Variants in PALMD observed in about 807,000 individuals in gnomAD.
The protein encoded by PALMD is paralemmin-like protein.
A neutral mutation model predicts 56.2 loss-of-function variants in PALMD; 42 were observed. That is an observed-to-expected ratio of 0.75 (90% CI 0.58 to 0.97). The LOEUF (loss-of-function observed/expected upper bound fraction) is 0.97, where lower values mean the gene tolerates loss of function less well. Ranked by LOEUF, PALMD falls within the 50% of genes least tolerant of loss-of-function variation. The probability of loss-of-function intolerance (pLI) is 0.00; values close to 1 mark genes in which losing one functional copy is unlikely to be tolerated. For synonymous variants in PALMD, 242 were observed against 222.9 expected (o/e 1.09, Z -0.76); for missense variants, 660 against 643.8 (o/e 1.03, Z -0.27).
intron 1 of PALMD, among the ~76,000 whole-genome samples, chr1:99,650,486 G>A (rs11166286): frequency 0.27 from 41,336 of 151,808 alleles, 7,145 homozygotes; most frequent in African/African-American, 0.48. Flanking sequence ...ACATGAGCAC[G>A]GATGGGTTCT....
chr1:99,655,087 A>G (rs767447922), intron 1 of PALMD, among the ~76,000 whole-genome samples: 4 of 152,188 alleles, frequency 2.6e-5, no homozygotes, highest in Non-Finnish European at 4.4e-5. Context: ...ACCAGACCCT[A>G]ATGTACATTT....
chr1:99,681,584 T>C (rs1571072189), intron 3 of PALMD, among the ~76,000 whole-genome samples: 1 of 152,132 alleles, frequency 6.6e-6, no homozygotes, highest in South Asian at 2.1e-4. Context: ...ATAAACAAAT[T>C]CCTTATAAAG....
Position 99,657,251 on chromosome 1 carries a change from G to A in PALMD, c.46-5068G>A, listed in dbSNP as rs140237178. ...GATAATTCTACCTATTTGGCCCAAG[G>A]ACATCTCAAACTTGGCGAATCCATC... On this transcript the variant is annotated intron_variant, in intron 1 of 7. Transcript: ENST00000263174. Among the ~76,000 whole-genome samples the A allele has an allele frequency of 1.6e-3, 251 of 152,212 alleles. 1 individual carries two copies. The highest frequency in any genetic ancestry group is 3.4e-3 in the Middle Eastern group (1 of 294).
intron 3 of PALMD, chr1:99,668,662 C>T (rs1301766760): frequency 1.3e-5 from 2 of 152,156 alleles, no homozygotes; most frequent in African/African-American, 2.4e-5. Flanking sequence ...TGGTCACAGG[C>T]GTTCACTTCA....
At chr1:99,691,411 C>G (rs1203559905) in intron 7 of PALMD, among the ~76,000 whole-genome samples, 2 of 152,088 alleles carry the variant, frequency 1.3e-5, no homozygotes, top group Non-Finnish European at 2.9e-5. Flanking sequence ...AATCATGCCC[C>G]TGAACTAAAA....
chr1:99,655,283 T>C (rs981367090), intron 1 of PALMD, among the ~76,000 whole-genome samples: 2 of 152,140 alleles, frequency 1.3e-5, no homozygotes, highest in African/African-American at 4.8e-5. Flanking sequence ...TTATTGAGTC[T>C]TAGATGATAA....
At chr1:99,681,954 AT>A (rs1653356411) in intron 3 of PALMD, among the ~76,000 whole-genome samples, 1 of 152,214 alleles carries the variant, frequency 6.6e-6, no homozygotes, top group Admixed American at 6.5e-5. Context: ...TCAGTGCATT[AT>A]CTGGTGTACA....
At chr1:99,674,828 A>G (rs925504454) in intron 3 of PALMD, among the ~76,000 whole-genome samples, 1 of 152,168 alleles carries the variant, frequency 6.6e-6, no homozygotes, top group African/African-American at 2.4e-5. Flanking sequence ...AGTTTCAGTG[A>G]CCCGTTCTCC....
intron 3 of PALMD, chr1:99,668,330 A>G (rs1653012492): frequency 6.6e-6 from 1 of 152,432 alleles, no homozygotes; most frequent in Non-Finnish European, 1.5e-5. Context: ...TTTATTTTTA[A>G]GTGCATATTG....
intron 1 of PALMD, among the ~76,000 whole-genome samples, chr1:99,653,629 C>T (rs1652645918): frequency 6.6e-6 from 1 of 152,138 alleles, no homozygotes; most frequent in Non-Finnish European, 1.5e-5. Flanking sequence ...ATTATTGGAA[C>T]AGAAGAAAAT....
rs142425674 is a variant in PALMD, at chr1:99,687,151, T to A, written c.476T>A (p.Ile159Lys). ...SYIPSRLRKE[I>K]NEEKEDDEQN... is the part of the protein sequence containing the mutation. The stretch of plus-strand genomic sequence containing the variant: ...ATACCTTCTAGGTTAAGGAAGGAGA[T>A]AAATGAAGAAAAAGAAGATGATGAA... The change falls in exon 6 of 8, where the codon ATA (isoleucine) becomes AAA (lysine). Residue 159 changes from isoleucine (I) to lysine (K), a missense_variant. Ile to Lys is a moderately radical substitution (Grantham distance 102). Transcript: ENST00000263174. 3 of 1,604,762 alleles carry A rather than the reference T, an allele frequency of 1.9e-6. No individual in the cohort carries two copies. In the Admixed American group the frequency reaches 5.0e-5, roughly 27 times the overall value.
rs774594234 is a variant in PALMD, at chr1:99,694,059, C to T, written c.1653C>T (p.Ile551=). 7 of 1,592,752 alleles carry T rather than the reference C, an allele frequency of 4.4e-6. No homozygotes were observed. Among genetic ancestry groups the T allele is most frequent in the Non-Finnish European group, 6.0e-6 (7 of 1,162,628 alleles). ...TGGCAAAGCTGGGAAAAAAGGTGAT[C>T]TAAGAGTTGTACCACCTATATAAAC... ...MRMAKLGKKV[I] The change falls in exon 8 of 8, where the codon ATC becomes ATT. Residue 551 remains isoleucine, a synonymous_variant. Coordinates refer to ENST00000263174, the MANE Select transcript of PALMD (RefSeq NM_017734.5).
intron 2 of PALMD, among the ~76,000 whole-genome samples, chr1:99,663,621 A>G (rs988924942): frequency 6.6e-6 from 1 of 151,942 alleles, no homozygotes; most frequent in African/African-American, 2.4e-5. Flanking sequence ...CACAATACAC[A>G]CAATCTGGAT....
At chr1:99,655,967 C>T (rs917762632) in intron 1 of PALMD, among the ~76,000 whole-genome samples, 20 of 151,342 alleles carry the variant, frequency 1.3e-4, no homozygotes, top group Non-Finnish European at 2.1e-4. Flanking sequence ...CACACACACA[C>T]GCATGCACTT....
chr1:99,667,934 A>AATG, intron 3 of PALMD, 168 bp downstream of exon 3: 1 of 592,842 alleles, frequency 1.7e-6, no homozygotes, highest in Non-Finnish European at 2.9e-6. Flanking sequence ...GCTGGAGTGC[A>AATG]GTGACATGAT....
intron 1 of PALMD, among the ~76,000 whole-genome samples, chr1:99,655,353 A>G (rs747976939): frequency 6.6e-6 from 1 of 152,152 alleles, no homozygotes; most frequent in African/African-American, 2.4e-5. Context: ...CTTAACCTTC[A>G]TCATCTGCAG....
At chr1:99,657,413 G>T (rs917426974) in intron 1 of PALMD, among the ~76,000 whole-genome samples, 1 of 152,048 alleles carries the variant, frequency 6.6e-6, no homozygotes, top group South Asian at 2.1e-4. Context: ...GTCATCAGTT[G>T]CCAAGTCCTG....
In PALMD at chr1:99,651,171, G is replaced by A. The variant is rs565247265; in HGVS notation, c.45+4809G>A. Among the ~76,000 whole-genome samples the A allele has an allele frequency of 2.0e-4, 31 of 152,300 alleles. No homozygotes were observed. The South Asian group carries it at 5.8e-3, about 28-fold the overall frequency. On this transcript the variant is annotated intron_variant, in intron 1 of 7. Transcript: ENST00000263174. The stretch of plus-strand genomic sequence containing the variant: ...CCTCAGCACAATTTTCCACAGTGCT[G>A]TACCAAGATTACATGTTTCTTCCAG...
chr1:99,652,976 C>G (rs535029367), intron 1 of PALMD, among the ~76,000 whole-genome samples: 12 of 152,258 alleles, frequency 7.9e-5, no homozygotes, highest in Admixed American at 2.6e-4. Context: ...AGGTTTGGAA[C>G]AGAATCAAAG....
Sources: allele counts gnomAD v4.1 joint callset (sites outside exome capture counted in the v4.1 genomes callset), GRCh38; gene constraint gnomAD v4.1.1; transcripts MANE v1.5; gene names NCBI Gene and HGNC (gene_info 2026-07-23, HGNC 2026-07-21).